The following NVL variants were observed in gnomAD, a reference collection of about 807,000 sequenced individuals.
The protein encoded by NVL is nuclear valosin-containing protein-like.
In NVL, 84 loss-of-function variants were observed where a neutral mutation model predicts 110.2. The observed-to-expected ratio is 0.76, with a 90% CI of 0.64 to 0.91. The LOEUF is 0.91. Ranked by LOEUF, NVL falls within the 40% of genes least tolerant of loss-of-function variation. NVL has a pLI of 0.00. For missense variants in NVL, 882 were observed against 1,035.9 expected, an observed-to-expected ratio of 0.85 and a Z score of 2.04; for synonymous variants, 354 against 361.1, an observed-to-expected ratio of 0.98 and a Z score of 0.22.
chr1:224,323,590 C>T (rs1277249590), intron 2 of NVL, among the ~76,000 whole-genome samples: 1 of 152,156 alleles, frequency 6.6e-6, no homozygotes, highest in East Asian at 1.9e-4. Flanking sequence ...TGTTGGACTT[C>T]CAGGATTCTA....
rs188409532 is a variant in NVL at position 224,251,406 on chromosome 1, T to C, written c.2183-1088A>G. 4.0e-5 allele frequency among the ~76,000 whole-genome samples: 6 copies of C among 151,298 alleles called. 1 individual carries two copies. The highest frequency in any genetic ancestry group is 8.9e-5 in the Non-Finnish European group (6 of 67,796). ...CAAAATACATCTCTTCGGCTATGCATGGTGGCAGATCACCTGAGGTCAGGA... is the reference window on the plus strand; with the variant it reads ...CAAAATACATCTCTTCGGCTATGCACGGTGGCAGATCACCTGAGGTCAGGA... On this transcript the variant is annotated intron_variant, in intron 18 of 22. Transcript: ENST00000281701.
chr1:224,255,857 C>A (rs1663163051), intron 18 of NVL, among the ~76,000 whole-genome samples: 1 of 152,120 alleles, frequency 6.6e-6, no homozygotes, highest in Non-Finnish European at 1.5e-5. Context: ...ATGTTGTTTT[C>A]AATGGTCTTT....
chr1:224,245,672 T>C (rs1661722410), intron 19 of NVL, among the ~76,000 whole-genome samples: 1 of 152,098 alleles, frequency 6.6e-6, no homozygotes, highest in Non-Finnish European at 1.5e-5. Flanking sequence ...AAAGTTGCTT[T>C]TGGCCCAGCA....
intron 19 of NVL, 57 bp downstream of exon 19, chr1:224,250,155 T>C: frequency 6.4e-7 from 1 of 1,567,604 alleles, no homozygotes; most frequent in Admixed American, 1.9e-5. Context: ...CTCTTATAAC[T>C]GTCTCTATTT....
chr1:224,303,874 A>C lies in NVL; in HGVS notation c.826-17T>G, dbSNP rs760716590. ...GCAGACCTCCTAGCAGAGGATAAGC[A>C]CAAAGATGTCTTTCAAGACAGAACA... On this transcript the variant is annotated splice_polypyrimidine_tract_variant and intron_variant, in intron 8 of 22. Coordinates refer to ENST00000281701, the MANE Select transcript of NVL (RefSeq NM_002533.4). The C allele has an allele frequency of 5.0e-6, 8 of 1,593,098 alleles. No homozygotes were observed. The highest frequency in any genetic ancestry group is 6.8e-6 in the Non-Finnish European group (8 of 1,169,656).
chr1:224,317,003 G>T lies in NVL; in HGVS notation c.284+691C>A, dbSNP rs1208661495. ...AAATATAAAAAATTAGCCGGGTGTGGTGGCACATGACTGTAATCCCAGCTA... is the reference window on the plus strand; with the variant it reads ...AAATATAAAAAATTAGCCGGGTGTGTTGGCACATGACTGTAATCCCAGCTA... On this transcript the variant is annotated intron_variant, in intron 4 of 22. Coordinates refer to ENST00000281701, the MANE Select transcript of NVL (RefSeq NM_002533.4). Among the ~76,000 whole-genome samples the T allele has an allele frequency of 3.9e-5, 6 of 152,006 alleles. No homozygotes were observed. The South Asian group carries it at 1.0e-3, about 26-fold the overall frequency.
chr1:224,250,502 C>T (rs1377507809), intron 18 of NVL, among the ~76,000 whole-genome samples, 184 bp from the exon 19 acceptor site: 2 of 152,178 alleles, frequency 1.3e-5, no homozygotes, highest in East Asian at 3.9e-4. Flanking sequence ...GTAGCTAAGA[C>T]TATAGATGCA....
At chr1:224,272,774 C>T (rs1202854895) in intron 17 of NVL, among the ~76,000 whole-genome samples, 6 of 149,054 alleles carry the variant, frequency 4.0e-5, no homozygotes, top group Non-Finnish European at 7.4e-5. Context: ...GTGGCTCATG[C>T]CTGTAATCCC....
chr1:224,281,313 G>T (rs1666299483), intron 15 of NVL, 128 bp from the exon 16 acceptor site: 1 of 768,878 alleles, frequency 1.3e-6, no homozygotes, highest in Non-Finnish European at 2.2e-6. Flanking sequence ...GTGTGTGTGT[G>T]AGATTTAGAT....
intron 5 of NVL, 132 bp downstream of exon 5, chr1:224,311,668 C>T (rs1335577643): frequency 4.3e-6 from 3 of 698,798 alleles, no homozygotes; most frequent in East Asian, 5.2e-5. Flanking sequence ...GATCTGCATG[C>T]CTCAGCCTCC....
In NVL at chr1:224,228,750, T is replaced by C. The variant is rs1300576982; in HGVS notation, c.2527-1080A>G. ...GTCAGGAGATCGAGACCATCCTGGCTAACATGGTGAAACCCTGTCTCTACA... is the reference window on the plus strand; with the variant it reads ...GTCAGGAGATCGAGACCATCCTGGCCAACATGGTGAAACCCTGTCTCTACA... On this transcript the variant is annotated intron_variant, in intron 22 of 22. Transcript: ENST00000281701. Among the ~76,000 whole-genome samples the C allele has an allele frequency of 2.0e-5, 3 of 147,220 alleles. No individual in the cohort carries two copies. In the East Asian group the frequency reaches 6.5e-4, roughly 32 times the overall value.
intron 10 of NVL, among the ~76,000 whole-genome samples, chr1:224,297,946 G>C (rs2102672428): frequency 6.6e-6 from 1 of 152,004 alleles, no homozygotes; most frequent in Non-Finnish European, 1.5e-5. Flanking sequence ...TACTCGGGAG[G>C]CTGAGGCAGG....
At chr1:224,243,923 G>C (rs1661504245) in intron 19 of NVL, among the ~76,000 whole-genome samples, 1 of 151,748 alleles carries the variant, frequency 6.6e-6, no homozygotes, top group Non-Finnish European at 1.5e-5. Context: ...GTCTCCCAAA[G>C]TGCTGGATTA....
Position 224,287,849 on chromosome 1 carries a change from T to C in NVL, c.1720A>G (p.Thr574Ala), listed in dbSNP as rs1372068083. ...QPSAKREGFV[T>A]VPNVTWADIG... ...TCTGCCCATGTCACATTAGGGACAG[T>C]GACAAAGCCTTCCCTTTTGGCAGAG... Residue 574 changes from threonine (T) to alanine (A), a missense_variant, in exon 14 of 23, where the codon ACT becomes GCT. Thr to Ala is a moderately conservative substitution (Grantham distance 58, BLOSUM62 0). This residue lies in a region of NVL where 416 missense variants were observed against 499.3 expected (regional missense o/e 0.83). Transcript: ENST00000281701. 9 of 1,614,062 alleles carry C rather than the reference T, an allele frequency of 5.6e-6. No homozygotes were observed. Among genetic ancestry groups the C allele is most frequent in the African/African-American group, 1.3e-5 (1 of 74,928 alleles).
At chr1:224,250,120 G>T (rs1662295991) in intron 19 of NVL, 92 bp downstream of exon 19, 1 of 1,302,884 alleles carries the variant, frequency 7.7e-7, no homozygotes, top group Non-Finnish European at 1.1e-6. Flanking sequence ...AGAAAAGAAA[G>T]TAATCAGTCA....
chr1:224,272,300 G>A (rs7522392), intron 17 of NVL, among the ~76,000 whole-genome samples: 129,669 of 151,506 alleles, frequency 0.86, 57,015 homozygotes, highest in Non-Finnish European at 0.94. Context: ...AGCTGAGATC[G>A]CGCCACTGCA....
At chr1:224,229,261 A>G (rs965463602) in intron 22 of NVL, among the ~76,000 whole-genome samples, 1 of 151,860 alleles carries the variant, frequency 6.6e-6, no homozygotes, top group African/African-American at 2.4e-5. Context: ...GTGCCATTGC[A>G]TTCCAGCCTG....
At position 224,303,292 on chromosome 1, in the gene NVL, G is replaced by C. The variant is rs531525774; in HGVS notation, c.960+431C>G. ...TCTACTATAATACAAAAAATCAGCCGGGCGTGGTGGCGTATGCCTGTAGTC... is the reference window on the plus strand; with the variant it reads ...TCTACTATAATACAAAAAATCAGCCCGGCGTGGTGGCGTATGCCTGTAGTC... On this transcript the variant is annotated intron_variant, in intron 9 of 22. Coordinates refer to ENST00000281701, the MANE Select transcript of NVL (RefSeq NM_002533.4). Among the ~76,000 whole-genome samples the C allele has an allele frequency of 2.3e-4, 35 of 152,072 alleles. No individual in the cohort carries two copies. In the Middle Eastern group the frequency reaches 0.017, roughly 74 times the overall value.
chr1:224,326,004 G>C (rs2102805903), intron 2 of NVL, among the ~76,000 whole-genome samples: 1 of 152,210 alleles, frequency 6.6e-6, no homozygotes, highest in East Asian at 1.9e-4. Flanking sequence ...GCCCAGGCTG[G>C]TCTCAAACTC....
Sources: gnomAD v4.1 joint callset for allele counts (sites outside exome capture counted in the v4.1 genomes callset) on GRCh38, gnomAD v4.1.1 for gene constraint, gnomAD v4.1.1 regional missense constraint, MANE v1.5 for transcripts, NCBI Gene and HGNC (gene_info 2026-07-23, HGNC 2026-07-21) for gene names.